Variants in SLC35F2 observed in about 807,000 individuals in gnomAD.
SLC35F2 encodes solute carrier family 35 member F2.
A neutral mutation model predicts 38.1 loss-of-function variants in SLC35F2; 25 were observed. The observed-to-expected ratio is 0.66, with a 90% CI of 0.48 to 0.92. The LOEUF is 0.92. SLC35F2 is among the 40% of genes least tolerant of loss of function. The probability of loss-of-function intolerance (pLI) is 0.00; values close to 1 mark genes in which losing one functional copy is unlikely to be tolerated. For missense variants in SLC35F2, 409 were observed against 452.9 expected, an observed-to-expected ratio of 0.90 and a Z score of 0.88; for synonymous variants, 173 against 181.7, an observed-to-expected ratio of 0.95 and a Z score of 0.38.
intron 1 of SLC35F2, among the ~76,000 whole-genome samples, chr11:107,851,087 A>G (rs1860176185): frequency 6.6e-6 from 1 of 151,472 alleles, no homozygotes; most frequent in Non-Finnish European, 1.5e-5. Flanking sequence ...ATATGGTGAA[A>G]CCCCATCTCT....
At chr11:107,808,643 T>C (rs1859433663) in intron 3 of SLC35F2, among the ~76,000 whole-genome samples, 1 of 152,210 alleles carries the variant, frequency 6.6e-6, no homozygotes, top group Non-Finnish European at 1.5e-5. Flanking sequence ...CTGATTGCCT[T>C]TCACTGCAGT....
intron 1 of SLC35F2, among the ~76,000 whole-genome samples, chr11:107,853,890 G>A (rs564474596): frequency 1.3e-5 from 2 of 152,042 alleles, no homozygotes; most frequent in African/African-American, 4.8e-5. Flanking sequence ...GAGATATAAA[G>A]TTGATGGTTG....
chr11:107,836,960 T>C (rs1859940051), intron 1 of SLC35F2, among the ~76,000 whole-genome samples: 1 of 152,148 alleles, frequency 6.6e-6, no homozygotes, highest in Admixed American at 6.5e-5. Context: ...ATAAAGAGTC[T>C]ATTAAAAAAC....
At chr11:107,825,886 AAGCG>A (rs1859746962) in intron 1 of SLC35F2, among the ~76,000 whole-genome samples, 1 of 152,158 alleles carries the variant, frequency 6.6e-6, no homozygotes, top group Non-Finnish European at 1.5e-5. Context: ...TTGCTGGTAA[AAGCG>A]TAAAATAATA....
rs191869815 is a variant in SLC35F2, at chr11:107,805,759, C to A, written c.575-244G>T. ...GTGGCGCAATCTCAGCTCACTGCAA[C>A]CTACACCTCCGGGTTCAAGTGATTC... On this transcript the variant is annotated intron_variant, in intron 4 of 7. Coordinates refer to ENST00000525815, the MANE Select transcript of SLC35F2 (RefSeq NM_017515.5). The A allele has an allele frequency of 6.9e-5, 45 of 653,376 alleles. No homozygotes were observed. In the Admixed American group the frequency reaches 2.0e-3, roughly 29 times the overall value. The allele number at this position is 653,376 out of a possible 1,614,324, so 40.5% of individuals were successfully genotyped here. A position where few individuals can be genotyped will look rare whatever the true frequency, so the allele number is the denominator to read the frequency against.
In SLC35F2 at chr11:107,802,242, A is replaced by AAAAAAAATAAATAAATAAATAAAT. The variant is rs559048077; in HGVS notation, c.939+758_939+759insATTTATTTATTTATTTATTTTTTT. On this transcript the variant is annotated intron_variant, in intron 7 of 7. Transcript: ENST00000525815. ...AACAGAGTGAGACTCCATCTCAAAA[A>AAAAAAAATAAATAAATAAATAAAT]AAATAAATAAATAATAAAATAAAAT... 8.6e-3 allele frequency among the ~76,000 whole-genome samples: 1,266 copies of AAAAAAAATAAATAAATAAATAAAT among 147,940 alleles called. 16 individuals are homozygous for AAAAAAAATAAATAAATAAATAAAT. The highest frequency in any genetic ancestry group is 0.029 in the African/African-American group (1,150 of 39,146).
rs1860010621 is a variant in SLC35F2, at chr11:107,841,409, A to G, written c.110+17249T>C. 1.3e-5 allele frequency among the ~76,000 whole-genome samples: 2 copies of G among 152,014 alleles called. 1 individual carries two copies. Among genetic ancestry groups the G allele is most frequent in the South Asian group, 4.1e-4 (2 of 4,826 alleles). On this transcript the variant is annotated intron_variant, in intron 1 of 7. Coordinates refer to ENST00000525815, the MANE Select transcript of SLC35F2 (RefSeq NM_017515.5). ...GAAACCCTGTCTCTACTAAAAATAC[A>G]AAAATTAGCCAAGTGTGGTGGTGCA... is the stretch of plus-strand genomic sequence containing the variant.
At chr11:107,818,093 A>AG (rs1859610259) in intron 1 of SLC35F2, among the ~76,000 whole-genome samples, 1 of 126,764 alleles carries the variant, frequency 7.9e-6, no homozygotes, top group Non-Finnish European at 1.7e-5. Flanking sequence ...AGAAAGAAAG[A>AG]AAGAAAGAAA....
At chr11:107,840,250 G>T (rs498851) in intron 1 of SLC35F2, among the ~76,000 whole-genome samples, 4 of 152,010 alleles carry the variant, frequency 2.6e-5, no homozygotes, top group Admixed American at 2.6e-4. Flanking sequence ...ATAGGATTAG[G>T]GTTGGTAATA....
At chr11:107,832,547 A>G (rs1239944872) in intron 1 of SLC35F2, among the ~76,000 whole-genome samples, 2 of 152,228 alleles carry the variant, frequency 1.3e-5, no homozygotes, top group African/African-American at 4.8e-5. Context: ...TCATGCCTGT[A>G]ATCCCAGCAC....
At chr11:107,848,103 A>G (rs1860125951) in intron 1 of SLC35F2, among the ~76,000 whole-genome samples, 2 of 152,214 alleles carry the variant, frequency 1.3e-5, no homozygotes, top group South Asian at 4.1e-4. Context: ...GATAATAAAC[A>G]AGTTCTGGAA....
intron 3 of SLC35F2, among the ~76,000 whole-genome samples, chr11:107,808,822 C>G (rs932237464): frequency 6.6e-6 from 1 of 152,210 alleles, no homozygotes; most frequent in African/African-American, 2.4e-5. Context: ...CCAGCAGAAT[C>G]CAGCCATAAC....
intron 1 of SLC35F2, among the ~76,000 whole-genome samples, chr11:107,834,160 CT>C (rs1462796055): frequency 6.6e-6 from 1 of 152,110 alleles, no homozygotes; most frequent in Non-Finnish European, 1.5e-5. Context: ...GTAAGGAGCC[CT>C]TAGTGTCTTG....
intron 1 of SLC35F2, among the ~76,000 whole-genome samples, chr11:107,844,622 C>CAATAAATAAATA (rs57389430): frequency 9.9e-4 from 134 of 134,862 alleles, no homozygotes; most frequent in Admixed American, 6.8e-3. Flanking sequence ...ACTCCTTCTC[C>CAATAAATAAATA]AATAAATAAA....
chr11:107,810,813 C>A (rs1036468662), intron 3 of SLC35F2: 1 of 977,704 alleles, frequency 1.0e-6, no homozygotes, highest in Non-Finnish European at 1.2e-6. Context: ...ATTTTCTATG[C>A]GAAATAAGTC....
At chr11:107,821,435 G>A in intron 1 of SLC35F2, 1 of 985,376 alleles carries the variant, frequency 1.0e-6, no homozygotes, top group Non-Finnish European at 1.2e-6. Flanking sequence ...TAGAGGAGTA[G>A]GAGAGCAAGA....
At chr11:107,835,492 A>G (rs937076739) in intron 1 of SLC35F2, among the ~76,000 whole-genome samples, 3 of 151,814 alleles carry the variant, frequency 2.0e-5, no homozygotes, top group Admixed American at 2.0e-4. Context: ...ACTGGAGCGC[A>G]GTGGCATAAT....
intron 1 of SLC35F2, among the ~76,000 whole-genome samples, chr11:107,832,672 G>A (rs963015548): frequency 6.6e-6 from 1 of 152,050 alleles, no homozygotes; most frequent in Non-Finnish European, 1.5e-5. Context: ...CGGGTATGAT[G>A]GCATGCACCT....
At chr11:107,837,354 G>T (rs1229960729) in intron 1 of SLC35F2, among the ~76,000 whole-genome samples, 1 of 152,000 alleles carries the variant, frequency 6.6e-6, no homozygotes. Context: ...ATCCAAATAT[G>T]ATTCCAAAGC....
Sources: allele counts gnomAD v4.1 joint callset (sites outside exome capture counted in the v4.1 genomes callset), GRCh38; gene constraint gnomAD v4.1.1; transcripts MANE v1.5; gene names NCBI Gene and HGNC (gene_info 2026-07-23, HGNC 2026-07-21).